Variants in TTLL5 observed in about 807,000 individuals in gnomAD.
TTLL5 encodes tubulin polyglutamylase TTLL5.
Under a neutral mutation model 168.4 loss-of-function variants are expected in TTLL5, and 132 were observed. That is an observed-to-expected ratio of 0.78 (90% CI 0.68 to 0.91). The LOEUF is 0.91. Among genes scored for constraint, TTLL5 ranks in the 40% least tolerant of loss-of-function variants. The probability of loss-of-function intolerance (pLI) is 0.00; values close to 1 mark genes in which losing one functional copy is unlikely to be tolerated. For synonymous variants in TTLL5, 546 were observed against 558.6 expected (o/e 0.98, Z 0.32); for missense variants, 1,545 against 1,581.5 (o/e 0.98, Z 0.39).
chr14:75,699,327 C>CTAA (rs1156575067), intron 7 of TTLL5, 57 bp downstream of exon 7: 1 of 1,421,318 alleles, frequency 7.0e-7, no homozygotes, highest in East Asian at 2.3e-5. Context: ...CTCCTTCACC[C>CTAA]TTTGTATTGG....
rs144521274 is a variant in TTLL5 at position 75,920,775 on chromosome 14, C to T, written c.3823+18551C>T. 4.0e-3 allele frequency among the ~76,000 whole-genome samples: 615 copies of T among 152,240 alleles called. 8 individuals are homozygous for T. The highest frequency in any genetic ancestry group is 0.014 in the African/African-American group (573 of 41,542). ...TTGGGTATATACCCAGTAATGGGAT[C>T]GCTGGATCAAATGGTAATTCTAGTT... On this transcript the variant is annotated intron_variant, in intron 31 of 31. Transcript: ENST00000298832.
chr14:75,728,009 A>G (rs890583870), intron 12 of TTLL5, among the ~76,000 whole-genome samples: 1 of 152,192 alleles, frequency 6.6e-6, no homozygotes, highest in African/African-American at 2.4e-5. Context: ...TAACTATTTC[A>G]TCATATGTAA....
At chr14:75,887,428 T>C (rs2032176676) in intron 30 of TTLL5, 1 of 686,510 alleles carries the variant, frequency 1.5e-6, no homozygotes, top group South Asian at 6.6e-5. Flanking sequence ...GTGTTAACCA[T>C]GTTCTGCCAG....
rs546346541 is a variant in TTLL5, at chr14:75,894,630, T to C, written c.3741-7512T>C. Reference sequence around the variant, plus strand: ...GTAGAAATGAGTCCAAATATACAAGTAACCAAAATAAATGTTGACAAATTA... The same window carrying C: ...GTAGAAATGAGTCCAAATATACAAGCAACCAAAATAAATGTTGACAAATTA... On this transcript the variant is annotated intron_variant, in intron 30 of 31. Coordinates refer to ENST00000298832, the MANE Select transcript of TTLL5 (RefSeq NM_015072.5). Among the ~76,000 whole-genome samples, 3 of 152,180 alleles carry C rather than the reference T, an allele frequency of 2.0e-5. No individual in the cohort carries two copies. The East Asian group carries it at 5.8e-4, about 29-fold the overall frequency.
At chr14:75,741,728 A>G (rs570792744) in intron 15 of TTLL5, among the ~76,000 whole-genome samples, 1 of 152,218 alleles carries the variant, frequency 6.6e-6, no homozygotes, top group African/African-American at 2.4e-5. Flanking sequence ...TACCCCAACT[A>G]GAAGCACAGA....
intron 28 of TTLL5, among the ~76,000 whole-genome samples, chr14:75,860,099 A>G (rs552432383): frequency 6.6e-6 from 1 of 152,284 alleles, no homozygotes; most frequent in Non-Finnish European, 1.5e-5. Context: ...TTAAAAACAG[A>G]TTTCATTATA....
intron 21 of TTLL5, among the ~76,000 whole-genome samples, chr14:75,773,953 GAGAA>G (rs1271613012): frequency 0.013 from 482 of 37,392 alleles, 1 homozygote; most frequent in East Asian, 0.025. Flanking sequence ...GAGAGAGAGA[GAGAA>G]AGAGAGAGAG....
At chr14:75,895,848 T>C (rs112077275) in intron 30 of TTLL5, among the ~76,000 whole-genome samples, 2,298 of 152,192 alleles carry the variant, frequency 0.015, 54 homozygotes, top group African/African-American at 0.053. Flanking sequence ...GGCAGAACAT[T>C]AGAGAACAGT....
chr14:75,860,394 A>G lies in TTLL5; in HGVS notation c.3327-3273A>G, dbSNP rs932618780. Among the ~76,000 whole-genome samples, 16 of 152,232 alleles carry G rather than the reference A, an allele frequency of 1.1e-4. No individual in the cohort carries two copies. The East Asian group carries it at 1.2e-3, about 11-fold the overall frequency. ...AAAACAGCTTTTAGCAAATGAACCAATCTAGCCAGTGAGATGAATTCTGAT... is the reference window on the plus strand; with the variant it reads ...AAAACAGCTTTTAGCAAATGAACCAGTCTAGCCAGTGAGATGAATTCTGAT... On this transcript the variant is annotated intron_variant, in intron 28 of 31. Transcript: ENST00000298832.
At chr14:75,948,652 A>G (rs988767040) in intron 31 of TTLL5, among the ~76,000 whole-genome samples, 1 of 152,148 alleles carries the variant, frequency 6.6e-6, no homozygotes, top group South Asian at 2.1e-4. Flanking sequence ...GAAAAACAAA[A>G]TAAGTCAAAA....
At chr14:75,869,841 A>ATTTT (rs2030874227) in intron 29 of TTLL5, among the ~76,000 whole-genome samples, 1 of 3,966 alleles carries the variant, frequency 2.5e-4, no homozygotes. Flanking sequence ...TTTTTTTGCG[A>ATTTT]TGGAGTCTCA....
chr14:75,883,049 G>T, intron 30 of TTLL5, 147 bp downstream of exon 30: 1 of 908,548 alleles, frequency 1.1e-6, no homozygotes. Flanking sequence ...CTAGTTCTCA[G>T]CGTGGGCTAC....
chr14:75,912,474 C>T (rs1390979646), intron 31 of TTLL5, among the ~76,000 whole-genome samples: 1 of 152,132 alleles, frequency 6.6e-6, no homozygotes, highest in African/African-American at 2.4e-5. Flanking sequence ...TATAAAACCA[C>T]ATGCAATAAA....
intron 28 of TTLL5, among the ~76,000 whole-genome samples, chr14:75,833,985 G>A (rs1034805251): frequency 1.3e-5 from 2 of 152,112 alleles, no homozygotes; most frequent in African/African-American, 4.8e-5. Flanking sequence ...TCATTCAACA[G>A]ACATTACATG....
chr14:75,927,560 GTATT>G (rs1351476518), intron 31 of TTLL5, among the ~76,000 whole-genome samples: 1 of 152,168 alleles, frequency 6.6e-6, no homozygotes, highest in East Asian at 1.9e-4. Context: ...TGATCAATAC[GTATT>G]TAGTGTGTCC....
At chr14:75,740,945 G>A (rs1181663946) in intron 15 of TTLL5, among the ~76,000 whole-genome samples, 2 of 152,090 alleles carry the variant, frequency 1.3e-5, no homozygotes, top group African/African-American at 4.8e-5. Context: ...CCTCAATTAT[G>A]ACATAGTCTT....
At chr14:75,825,291 A>C (rs1029093456) in intron 28 of TTLL5, among the ~76,000 whole-genome samples, 2 of 152,180 alleles carry the variant, frequency 1.3e-5, no homozygotes, top group African/African-American at 4.8e-5. Context: ...CCTAGTTTAC[A>C]TCACTCTGGC....
intron 9 of TTLL5, chr14:75,709,222 C>A (rs1981898): frequency 0.6 from 452,872 of 754,680 alleles, 143,346 homozygotes; most frequent in Non-Finnish European, 0.67. Flanking sequence ...TAAAAGAAGG[C>A]TACCTATTTA....
rs550133308 is a variant in TTLL5 at position 75,934,129 on chromosome 14, C to T, written c.3824-20295C>T. 3.9e-5 allele frequency among the ~76,000 whole-genome samples: 6 copies of T among 152,354 alleles called. No individual in the cohort carries two copies. In the East Asian group the frequency reaches 1.2e-3, roughly 29 times the overall value. ...AAAGCCATGAGAGCCTGAGAAAGCTCCCACAGCAGGAGCCACAATCTTTTT... is the reference window on the plus strand; with the variant it reads ...AAAGCCATGAGAGCCTGAGAAAGCTTCCACAGCAGGAGCCACAATCTTTTT... On this transcript the variant is annotated intron_variant, in intron 31 of 31. Transcript: ENST00000298832.
Sources: gnomAD v4.1 joint callset for allele counts (sites outside exome capture counted in the v4.1 genomes callset) on GRCh38, gnomAD v4.1.1 for gene constraint, MANE v1.5 for transcripts, NCBI Gene and HGNC (gene_info 2026-07-23, HGNC 2026-07-21) for gene names.